KCND2: variants seen among roughly 807,000 people sequenced by gnomAD.
The protein encoded by KCND2 is A-type voltage-gated potassium channel KCND2.
In KCND2, 16 loss-of-function variants were observed where a neutral mutation model predicts 54.4. That is an observed-to-expected ratio of 0.29 (90% CI 0.20 to 0.45). The LOEUF (loss-of-function observed/expected upper bound fraction) is 0.45. Among genes scored for constraint, KCND2 ranks in the 20% least tolerant of loss-of-function variants. KCND2 has a pLI of 1.00. For missense variants in KCND2, 486 were observed against 824.2 expected, an observed-to-expected ratio of 0.59 and a Z score of 5.02; for synonymous variants, 317 against 310.7, an observed-to-expected ratio of 1.02 and a Z score of -0.21.
At chr7:120,461,747 T>G (rs965136335) in intron 1 of KCND2, among the ~76,000 whole-genome samples, 46 of 152,238 alleles carry the variant, frequency 3.0e-4, no homozygotes, top group Non-Finnish European at 5.9e-4. Context: ...TTTTCATTTT[T>G]TTAAAAAAAA....
chr7:120,548,282 T>C (rs1426868560), intron 1 of KCND2, among the ~76,000 whole-genome samples: 1 of 152,090 alleles, frequency 6.6e-6, no homozygotes, highest in East Asian at 1.9e-4. Context: ...CAGTGTTAGA[T>C]GAAAGAGAAG....
At chr7:120,444,639 G>A (rs1471890889) in intron 1 of KCND2, among the ~76,000 whole-genome samples, 2 of 152,050 alleles carry the variant, frequency 1.3e-5, no homozygotes, top group East Asian at 1.9e-4. Context: ...TAAAGATGTG[G>A]AATTTCAAAA....
At chr7:120,304,457 T>C (rs112471290) in intron 1 of KCND2, among the ~76,000 whole-genome samples, 9 of 152,258 alleles carry the variant, frequency 5.9e-5, no homozygotes, top group African/African-American at 2.2e-4. Flanking sequence ...CCTCAATGTG[T>C]GGCCTCCATG....
chr7:120,407,035 C>T (rs944284219), intron 1 of KCND2, among the ~76,000 whole-genome samples: 27 of 151,484 alleles, frequency 1.8e-4, no homozygotes, highest in African/African-American at 6.1e-4. Flanking sequence ...TTTTGAAGTT[C>T]AAATATATTT....
intron 1 of KCND2, among the ~76,000 whole-genome samples, chr7:120,672,472 G>C (rs1792004096): frequency 6.6e-6 from 1 of 152,038 alleles, no homozygotes; most frequent in African/African-American, 2.4e-5. Flanking sequence ...TTATAACACA[G>C]TTTTCTCCTA....
intron 1 of KCND2, among the ~76,000 whole-genome samples, chr7:120,427,373 A>C (rs1801724887): frequency 6.6e-6 from 1 of 152,184 alleles, no homozygotes; most frequent in African/African-American, 2.4e-5. Context: ...TGTACCATTC[A>C]AATATCATTC....
chr7:120,711,961 T>C (rs1170327938), intron 1 of KCND2, among the ~76,000 whole-genome samples: 3 of 152,154 alleles, frequency 2.0e-5, no homozygotes, highest in South Asian at 2.1e-4. Flanking sequence ...AAAGACTAAA[T>C]AATTTAAAGC....
intron 1 of KCND2, among the ~76,000 whole-genome samples, chr7:120,352,688 A>G (rs1015595919): frequency 7.9e-5 from 12 of 152,236 alleles, no homozygotes; most frequent in African/African-American, 2.9e-4. Flanking sequence ...TTGTTATACA[A>G]TTTAGCTTAC....
intron 1 of KCND2, among the ~76,000 whole-genome samples, chr7:120,399,178 A>G (rs760762345): frequency 2.6e-5 from 4 of 151,864 alleles, no homozygotes; most frequent in African/African-American, 4.8e-5. Flanking sequence ...TAGTAGAAGC[A>G]TAATATTTTT....
intron 1 of KCND2, among the ~76,000 whole-genome samples, chr7:120,717,119 C>T (rs1005252294): frequency 3.9e-5 from 6 of 152,080 alleles, no homozygotes; most frequent in Admixed American, 1.3e-4. Flanking sequence ...TGATAAAATA[C>T]CTACATCATG....
At chr7:120,698,147 T>C (rs1012837356) in intron 1 of KCND2, among the ~76,000 whole-genome samples, 2 of 151,084 alleles carry the variant, frequency 1.3e-5, no homozygotes, top group African/African-American at 2.4e-5. Flanking sequence ...TCTGGGTAGC[T>C]AGGATTATAG....
rs555489026 is a variant in KCND2 at position 120,345,345 on chromosome 7, A to G, written c.1115+69598A>G. Among the ~76,000 whole-genome samples, 4 of 152,326 alleles carry G rather than the reference A, an allele frequency of 2.6e-5. No individual in the cohort carries two copies. In the South Asian group the frequency reaches 8.3e-4, roughly 32 times the overall value. The stretch of plus-strand genomic sequence containing the variant: ...GTCTGTTCATCACATAACTAGTACG[A>G]TTAAGACATTTGTCAAAAAGTAATT... On this transcript the variant is annotated intron_variant, in intron 1 of 5. Transcript: ENST00000331113.
intron 1 of KCND2, among the ~76,000 whole-genome samples, chr7:120,465,058 G>A (rs2116248281): frequency 6.6e-6 from 1 of 152,260 alleles, no homozygotes; most frequent in Non-Finnish European, 1.5e-5. Context: ...CAAAGGTCAT[G>A]GAGGACATTC....
At chr7:120,676,167 C>G (rs1049810141) in intron 1 of KCND2, among the ~76,000 whole-genome samples, 32 of 152,058 alleles carry the variant, frequency 2.1e-4, no homozygotes, top group African/African-American at 7.7e-4. Flanking sequence ...CAAGGAACAG[C>G]CTAGCATTTA....
At chr7:120,464,033 C>G in intron 1 of KCND2, 9 of 783,032 alleles carry the variant, frequency 1.1e-5, no homozygotes, top group Non-Finnish European at 1.4e-5. Context: ...TTTTTTTTTT[C>G]TTGCAGTTGA....
chr7:120,531,184 T>A (rs1172514794), intron 1 of KCND2, among the ~76,000 whole-genome samples: 1 of 152,074 alleles, frequency 6.6e-6, no homozygotes, highest in African/African-American at 2.4e-5. Context: ...AAGCAACTAC[T>A]TCATACCTTC....
intron 1 of KCND2, among the ~76,000 whole-genome samples, chr7:120,296,940 G>C (rs1427924680): frequency 6.6e-6 from 1 of 151,820 alleles, no homozygotes; most frequent in Non-Finnish European, 1.5e-5. Flanking sequence ...TGAAAAGGAG[G>C]CATGATAAAC....
intron 1 of KCND2, among the ~76,000 whole-genome samples, chr7:120,390,522 G>A (rs1801057771): frequency 6.6e-6 from 1 of 151,844 alleles, no homozygotes; most frequent in Non-Finnish European, 1.5e-5. Context: ...TGAGGGGATT[G>A]AGCCAAATCA....
At chr7:120,645,291 T>G (rs1011474649) in intron 1 of KCND2, among the ~76,000 whole-genome samples, 1 of 152,050 alleles carries the variant, frequency 6.6e-6, no homozygotes, top group Non-Finnish European at 1.5e-5. Flanking sequence ...AATATAGGGT[T>G]CTGTGGCCCA....
Sources: gnomAD v4.1 joint callset for allele counts (sites outside exome capture counted in the v4.1 genomes callset) on GRCh38, gnomAD v4.1.1 for gene constraint, MANE v1.5 for transcripts, NCBI Gene and HGNC (gene_info 2026-07-23, HGNC 2026-07-21) for gene names.